PCSK2: variants seen among roughly 807,000 people sequenced by gnomAD.
The protein encoded by PCSK2 is proprotein convertase subtilisin/kexin type 2, also known as neuroendocrine convertase 2.
PCSK2 carries 14 observed loss-of-function variants against 69.7 expected under a neutral mutation model. The ratio of observed to expected loss-of-function variants is 0.20; its 90% CI spans 0.13 to 0.31. The LOEUF is 0.31. Ranked by LOEUF, PCSK2 falls within the 10% of genes least tolerant of loss-of-function variation. The pLI is 1.00. For synonymous variants in PCSK2, 307 were observed against 320.7 expected (o/e 0.96, Z 0.46); for missense variants, 544 against 842.5 (o/e 0.65, Z 4.39).
chr20:17,426,182 T>A (rs2032244527), intron 6 of PCSK2, among the ~76,000 whole-genome samples: 1 of 152,086 alleles, frequency 6.6e-6, no homozygotes, highest in South Asian at 2.1e-4. Flanking sequence ...GGGGTCAGTT[T>A]CCCCCATGCG....
chr20:17,480,968 C>T (rs142176398), intron 11 of PCSK2, among the ~76,000 whole-genome samples: 2 of 152,284 alleles, frequency 1.3e-5, no homozygotes, highest in East Asian at 1.9e-4. Flanking sequence ...GGGTGGGAAG[C>T]AGTGGACGTG....
chr20:17,317,280 TGA>T (rs1411681583), intron 2 of PCSK2, among the ~76,000 whole-genome samples: 25 of 152,384 alleles, frequency 1.6e-4, no homozygotes, highest in Non-Finnish European at 2.6e-4. Context: ...TGTGAATTAC[TGA>T]TACATAATTT....
At chr20:17,283,461 A>T (rs1988394728) in intron 2 of PCSK2, among the ~76,000 whole-genome samples, 1 of 152,304 alleles carries the variant, frequency 6.6e-6, no homozygotes, top group South Asian at 2.1e-4. Context: ...TTACACACAG[A>T]AACAGCCTCA....
chr20:17,380,889 T>C (rs2031069283), intron 5 of PCSK2, among the ~76,000 whole-genome samples: 1 of 152,210 alleles, frequency 6.6e-6, no homozygotes, highest in Non-Finnish European at 1.5e-5. Flanking sequence ...TGTGTTATTC[T>C]AAGTTTTCTT....
At chr20:17,262,087 A>G (rs2123002567) in intron 2 of PCSK2, among the ~76,000 whole-genome samples, 1 of 152,346 alleles carries the variant, frequency 6.6e-6, no homozygotes, top group South Asian at 2.1e-4. Flanking sequence ...TGAAATGCTG[A>G]TTCTTGAAGT....
chr20:17,387,400 G>C (rs536416979), intron 5 of PCSK2, among the ~76,000 whole-genome samples: 2 of 152,096 alleles, frequency 1.3e-5, no homozygotes, highest in Non-Finnish European at 2.9e-5. Flanking sequence ...CGTGTTTCTC[G>C]TGAGGTTGCA....
At chr20:17,458,950 G>A (rs1397979046) in intron 10 of PCSK2, among the ~76,000 whole-genome samples, 2 of 152,084 alleles carry the variant, frequency 1.3e-5, no homozygotes, top group South Asian at 2.1e-4. Context: ...ATGACCTGGT[G>A]CTTTCTCTGT....
chr20:17,297,073 A>C (rs1988918549), intron 2 of PCSK2, among the ~76,000 whole-genome samples: 2 of 152,220 alleles, frequency 1.3e-5, no homozygotes, highest in South Asian at 4.1e-4. Context: ...AACCTTCATT[A>C]ATTAAAAGAG....
chr20:17,482,342 G>A lies in PCSK2; in HGVS notation c.*272G>A, dbSNP rs868237836. On this transcript the variant is annotated 3_prime_UTR_variant, in exon 12 of 12. Coordinates refer to ENST00000262545, the MANE Select transcript of PCSK2 (RefSeq NM_002594.5). ...CTGTCATTCAAATGGGTGATATCCT[G>A]AAAAAAAAAAAAAAAAAAAAACTGG... The A allele has an allele frequency of 6.9e-4, 73 of 106,474 alleles. 1 individual carries two copies. Among genetic ancestry groups the A allele is most frequent in the Admixed American group, 1.1e-3 (10 of 8,716 alleles). 6.6% of individuals were successfully genotyped at this position (106,474 alleles called of 1,614,324 possible).
chr20:17,481,413 A>AAGAG lies in PCSK2; in HGVS notation c.1431-169_1431-166dup, dbSNP rs1555799068. ...CAAAAAAAAAAAAAAAAAAAAAAAA[A>AAGAG]AGAGATAAGTAACTTACTCAGGCTC... On this transcript the variant is annotated intron_variant, in intron 11 of 11. Coordinates refer to ENST00000262545, the MANE Select transcript of PCSK2 (RefSeq NM_002594.5). Among the ~76,000 whole-genome samples the AAGAG allele has an allele frequency of 3.1e-3, 358 of 115,820 alleles. 42 individuals are homozygous for AAGAG. Among genetic ancestry groups the AAGAG allele is most frequent in the African/African-American group, 0.013 (337 of 25,834 alleles). 76.0% of individuals were successfully genotyped at this position (115,820 alleles called of 152,430 possible).
rs116428024 is a variant in PCSK2, at chr20:17,368,956, A to T, written c.506-284A>T. 9.3e-3 allele frequency among the ~76,000 whole-genome samples: 1,411 copies of T among 152,226 alleles called. 23 individuals carry two copies. Among genetic ancestry groups the T allele is most frequent in the African/African-American group, 0.031 (1,287 of 41,534 alleles). ...CAGTTGATGCTTTAAAAATGTCAAG[A>T]TTTCTACAAATCTCTTTTAGATCAG... is the stretch of plus-strand genomic sequence containing the variant. On this transcript the variant is annotated intron_variant, in intron 4 of 11. Coordinates refer to ENST00000262545, the MANE Select transcript of PCSK2 (RefSeq NM_002594.5).
chr20:17,416,625 G>A (rs936698704), intron 6 of PCSK2, among the ~76,000 whole-genome samples: 7 of 151,702 alleles, frequency 4.6e-5, no homozygotes, highest in African/African-American at 1.7e-4. Context: ...GATTCCTCAA[G>A]GATCTAGAAC....
rs1244542146 is a variant in PCSK2 at position 17,358,348 on chromosome 20, G to A, written c.304G>A (p.Glu102Lys). ...DPRVKMALQQ[E>K]GFDRKKRGYR... ...CCAGGTAAAGATGGCTTTGCAGCAGGAAGGATTTGACCGAAAAAAGCGAGG... is the reference window on the plus strand; with the variant it reads ...CCAGGTAAAGATGGCTTTGCAGCAGAAAGGATTTGACCGAAAAAAGCGAGG... The change falls in exon 3 of 12, where the codon GAA (glutamate) becomes AAA (lysine). Residue 102 changes from glutamate to lysine, a missense_variant. Physicochemically the swap from Glu to Lys is moderately conservative, Grantham distance 56. Around this residue, in one of 3 missense-constraint regions of PCSK2, gnomAD observed 157 missense variants for 155.0 expected, o/e 1.01. Transcript: ENST00000262545. The A allele has an allele frequency of 6.2e-7, 1 of 1,608,312 alleles. No individual in the cohort carries two copies. Among genetic ancestry groups the A allele is most frequent in the Non-Finnish European group, 8.5e-7 (1 of 1,174,754 alleles).
intron 2 of PCSK2, among the ~76,000 whole-genome samples, chr20:17,281,044 C>T (rs1432593244): frequency 6.6e-6 from 1 of 152,218 alleles, no homozygotes; most frequent in African/African-American, 2.4e-5. Context: ...CTGGAGACTT[C>T]TTTCTTCTCC....
chr20:17,293,269 A>T (rs757826118), intron 2 of PCSK2, among the ~76,000 whole-genome samples: 1 of 152,248 alleles, frequency 6.6e-6, no homozygotes, highest in South Asian at 2.1e-4. Context: ...AGAAACTCTC[A>T]TAAAGAATAA....
intron 2 of PCSK2, among the ~76,000 whole-genome samples, chr20:17,320,199 C>G (rs1459540660): frequency 6.6e-6 from 1 of 152,136 alleles, no homozygotes; most frequent in Non-Finnish European, 1.5e-5. Flanking sequence ...GAGAACTGTC[C>G]TACTGCAAAA....
intron 11 of PCSK2, among the ~76,000 whole-genome samples, chr20:17,473,932 C>T (rs1339147296): frequency 1.3e-5 from 2 of 152,152 alleles, no homozygotes; most frequent in African/African-American, 4.8e-5. Flanking sequence ...AGGATCGGGG[C>T]GTTTTTCTAG....
chr20:17,452,204 G>A (rs768970184), intron 8 of PCSK2, among the ~76,000 whole-genome samples: 2 of 151,924 alleles, frequency 1.3e-5, no homozygotes, highest in Non-Finnish European at 2.9e-5. Flanking sequence ...TCTTGATACC[G>A]AGCCCAAATC....
chr20:17,351,364 C>T (rs1008017398), intron 2 of PCSK2, among the ~76,000 whole-genome samples: 1 of 152,146 alleles, frequency 6.6e-6, no homozygotes, highest in African/African-American at 2.4e-5. Flanking sequence ...CCAGCATCAC[C>T]ATGATACCAA....
Sources: gnomAD v4.1 joint callset for allele counts (sites outside exome capture counted in the v4.1 genomes callset) on GRCh38, gnomAD v4.1.1 for gene constraint, gnomAD v4.1.1 regional missense constraint, MANE v1.5 for transcripts, NCBI Gene and HGNC (gene_info 2026-07-23, HGNC 2026-07-21) for gene names.